FMN2: variants seen among roughly 807,000 people sequenced by gnomAD.
FMN2 encodes formin-2.
FMN2 carries 51 observed loss-of-function variants against 142.3 expected under a neutral mutation model. The observed-to-expected ratio is 0.36, with a 90% CI of 0.29 to 0.45. FMN2 has a LOEUF of 0.45. FMN2 is among the 20% of genes least tolerant of loss of function. FMN2 has a pLI of 1.00. For missense variants in FMN2, 1,936 were observed against 2,122.8 expected, an observed-to-expected ratio of 0.91 and a Z score of 1.73; for synonymous variants, 882 against 869.8, an observed-to-expected ratio of 1.01 and a Z score of -0.25.
intron 14 of FMN2, among the ~76,000 whole-genome samples, chr1:240,389,885 C>A (rs1673548622): frequency 6.6e-6 from 1 of 152,116 alleles, no homozygotes; most frequent in African/African-American, 2.4e-5. Context: ...GGAGGAATTG[C>A]AGCTTGCAGT....
chr1:240,115,648 GTCC>G (rs1350670115), intron 1 of FMN2, among the ~76,000 whole-genome samples: 1 of 152,044 alleles, frequency 6.6e-6, no homozygotes, highest in Non-Finnish European at 1.5e-5. Flanking sequence ...TTTTTCCCCA[GTCC>G]TCCTGCTATT....
chr1:240,353,561 G>T (rs939956988), intron 13 of FMN2, among the ~76,000 whole-genome samples: 5 of 152,202 alleles, frequency 3.3e-5, no homozygotes, highest in Admixed American at 6.5e-5. Flanking sequence ...GCTCAGTCTA[G>T]TGGGGCAGAA....
chr1:240,193,805 C>T (rs1044025055), intron 4 of FMN2, among the ~76,000 whole-genome samples: 40 of 152,340 alleles, frequency 2.6e-4, no homozygotes, highest in African/African-American at 9.1e-4. Flanking sequence ...CTAATCTCTC[C>T]TCCACAATGC....
chr1:240,244,946 A>G (rs187243017), intron 6 of FMN2, among the ~76,000 whole-genome samples: 191 of 152,300 alleles, frequency 1.3e-3, no homozygotes, highest in East Asian at 1.7e-3. Context: ...CAATATATCA[A>G]TCATTGTGCT....
At chr1:240,123,151 G>T in intron 1 of FMN2, 28 bp from the exon 2 acceptor site, 1 of 1,612,592 alleles carries the variant, frequency 6.2e-7, no homozygotes, top group South Asian at 1.1e-5. Flanking sequence ...GGCAGTGCTC[G>T]CTCTTAATGA....
chr1:240,345,314 G>A (rs997326235), intron 13 of FMN2, among the ~76,000 whole-genome samples: 11 of 152,162 alleles, frequency 7.2e-5, no homozygotes, highest in Non-Finnish European at 1.6e-4. Flanking sequence ...TTTCATCTTG[G>A]TCAGTATGTC....
intron 16 of FMN2, among the ~76,000 whole-genome samples, chr1:240,468,251 T>TATACATATGCACACAC (rs1558123858): frequency 6.6e-6 from 1 of 150,810 alleles, no homozygotes; most frequent in African/African-American, 2.5e-5. Flanking sequence ...CACACACATA[T>TATACATATGCACACAC]ATACATATGC....
At chr1:240,359,007 C>A (rs1340023792) in intron 14 of FMN2, among the ~76,000 whole-genome samples, 1 of 152,040 alleles carries the variant, frequency 6.6e-6, no homozygotes, top group Non-Finnish European at 1.5e-5. Context: ...CACCTGTAAT[C>A]CCAGCTACTC....
At chr1:240,425,990 T>C (rs1487946879) in intron 15 of FMN2, among the ~76,000 whole-genome samples, 3 of 152,172 alleles carry the variant, frequency 2.0e-5, no homozygotes, top group Non-Finnish European at 2.9e-5. Context: ...TACTGGACTT[T>C]AATTCAAGAT....
At chr1:240,431,411 T>TAC (rs1675169590) in intron 15 of FMN2, among the ~76,000 whole-genome samples, 2 of 147,706 alleles carry the variant, frequency 1.4e-5, no homozygotes, top group African/African-American at 5.0e-5. Flanking sequence ...TTTATATATA[T>TAC]ATATATATAT....
intron 1 of FMN2, among the ~76,000 whole-genome samples, chr1:240,106,405 T>C (rs1661610737): frequency 6.6e-6 from 1 of 152,208 alleles, no homozygotes; most frequent in Non-Finnish European, 1.5e-5. Context: ...TTTCATATTG[T>C]CTTTTAAACA....
At chr1:240,094,840 G>A (rs1661144114) in intron 1 of FMN2, among the ~76,000 whole-genome samples, 1 of 152,004 alleles carries the variant, frequency 6.6e-6, no homozygotes, top group Non-Finnish European at 1.5e-5. Context: ...AAATTTCTCG[G>A]CACAGACAGC....
chr1:240,367,495 G>C (rs1017707924), intron 14 of FMN2, among the ~76,000 whole-genome samples: 5 of 151,850 alleles, frequency 3.3e-5, no homozygotes, highest in Non-Finnish European at 5.9e-5. Flanking sequence ...TCCGGCGGGG[G>C]GCAGTGGCTC....
intron 13 of FMN2, among the ~76,000 whole-genome samples, chr1:240,346,557 CAGAG>C (rs769165705): frequency 2.0e-5 from 3 of 152,112 alleles, no homozygotes; most frequent in Non-Finnish European, 4.4e-5. Flanking sequence ...GAGAGAGGGA[CAGAG>C]AGAAACACAC....
intron 4 of FMN2, among the ~76,000 whole-genome samples, chr1:240,199,506 A>AT (rs1392697801): frequency 6.6e-6 from 1 of 152,152 alleles, no homozygotes; most frequent in Non-Finnish European, 1.5e-5. Context: ...GAATCAGATA[A>AT]TCTTCTGTTT....
At chr1:240,234,685 T>A (rs961215288) in intron 6 of FMN2, among the ~76,000 whole-genome samples, 37 of 152,150 alleles carry the variant, frequency 2.4e-4, no homozygotes, top group Non-Finnish European at 7.4e-5. Context: ...TCCCCACAGA[T>A]TAGCTATAAT....
At chr1:240,246,298 A>T (rs1173884155) in intron 6 of FMN2, among the ~76,000 whole-genome samples, 2 of 152,168 alleles carry the variant, frequency 1.3e-5, no homozygotes, top group Admixed American at 1.3e-4. Context: ...CTATCCCTGG[A>T]TAAAAGTAGG....
rs541537754 is a variant in FMN2 at position 240,212,023 on chromosome 1, T to G, written c.4065+788T>G. ...GCTACATTTCTTAACTTTTGCAGGG[T>G]GGCAGGAAAGAGGTCTTGGAAGCAA... On this transcript the variant is annotated intron_variant, in intron 6 of 17. Coordinates refer to ENST00000319653, the MANE Select transcript of FMN2 (RefSeq NM_020066.5). Among the ~76,000 whole-genome samples the G allele has an allele frequency of 7.9e-5, 12 of 151,982 alleles. No homozygotes were observed. In the South Asian group the frequency reaches 2.5e-3, roughly 32 times the overall value.
chr1:240,132,592 G>T (rs1254611043), intron 2 of FMN2, among the ~76,000 whole-genome samples: 1 of 152,138 alleles, frequency 6.6e-6, no homozygotes, highest in Non-Finnish European at 1.5e-5. Flanking sequence ...TCAACCTTGA[G>T]AAGCAGAGAG....
Sources: allele counts gnomAD v4.1 joint callset (sites outside exome capture counted in the v4.1 genomes callset), GRCh38; gene constraint gnomAD v4.1.1; transcripts MANE v1.5; gene names NCBI Gene and HGNC (gene_info 2026-07-23, HGNC 2026-07-21).